The following CHST11 variants were observed in gnomAD, a reference collection of about 807,000 sequenced individuals.
CHST11 encodes the protein carbohydrate sulfotransferase 11.
CHST11 carries 9 observed loss-of-function variants against 30.4 expected under a neutral mutation model. That is an observed-to-expected ratio of 0.30 (90% confidence interval 0.18 to 0.52). CHST11 has a LOEUF of 0.52. CHST11 is among the 20% of genes least tolerant of loss of function. The pLI, the probability that CHST11 is intolerant of heterozygous loss-of-function variation, is 0.97. For synonymous variants in CHST11, 152 were observed against 187.8 expected (o/e 0.81, Z 1.56); for missense variants, 348 against 460.6 (o/e 0.76, Z 2.24).
intron 2 of CHST11, among the ~76,000 whole-genome samples, chr12:104,733,400 G>T (rs2040272911): frequency 6.6e-6 from 1 of 152,180 alleles, no homozygotes. Context: ...AAAGGGCCTT[G>T]CCTGATTCTG....
chr12:104,520,441 T>G (rs907122758), intron 1 of CHST11, among the ~76,000 whole-genome samples: 1 of 151,986 alleles, frequency 6.6e-6, no homozygotes, highest in African/African-American at 2.4e-5. Context: ...ACATGGGTGG[T>G]GGTCAGGAGG....
chr12:104,646,390 C>T (rs2039430760), intron 2 of CHST11, among the ~76,000 whole-genome samples: 1 of 152,186 alleles, frequency 6.6e-6, no homozygotes, highest in Non-Finnish European at 1.5e-5. Context: ...CCTCCCTAAA[C>T]TGATTTCTCA....
chr12:104,518,617 G>T (rs1316054202), intron 1 of CHST11, among the ~76,000 whole-genome samples: 1 of 152,144 alleles, frequency 6.6e-6, no homozygotes, highest in African/African-American at 2.4e-5. Context: ...AGAAGAAAGC[G>T]AAGACTAGAA....
intron 1 of CHST11, among the ~76,000 whole-genome samples, chr12:104,501,891 G>A (rs1173300822): frequency 1.3e-5 from 2 of 152,210 alleles, no homozygotes; most frequent in South Asian, 2.1e-4. Context: ...AATCAGACAC[G>A]TGGCCCTTGC....
At chr12:104,752,852 G>A (rs1043068126) in intron 2 of CHST11, among the ~76,000 whole-genome samples, 1 of 152,176 alleles carries the variant, frequency 6.6e-6, no homozygotes, top group Non-Finnish European at 1.5e-5. Flanking sequence ...AACTAGAGGG[G>A]TCTTCCTGCT....
intron 2 of CHST11, among the ~76,000 whole-genome samples, chr12:104,643,152 CT>C (rs2039393742): frequency 6.6e-6 from 1 of 151,702 alleles, no homozygotes; most frequent in African/African-American, 2.4e-5. Flanking sequence ...AGTGAGACCC[CT>C]GTCTCTACAA....
intron 2 of CHST11, among the ~76,000 whole-genome samples, chr12:104,746,671 C>G (rs1237281596): frequency 6.6e-6 from 1 of 152,192 alleles, no homozygotes; most frequent in Non-Finnish European, 1.5e-5. Flanking sequence ...TCCCTAGTGA[C>G]AAGTTACAAT....
At chr12:104,595,704 C>T (rs1403311887) in intron 1 of CHST11, among the ~76,000 whole-genome samples, 1 of 152,140 alleles carries the variant, frequency 6.6e-6, no homozygotes, top group African/African-American at 2.4e-5. Flanking sequence ...ATGGACCAGG[C>T]TAGTTGAGTG....
intron 2 of CHST11, among the ~76,000 whole-genome samples, chr12:104,659,391 A>G (rs924239805): frequency 3.9e-5 from 6 of 152,122 alleles, no homozygotes; most frequent in Non-Finnish European, 7.4e-5. Flanking sequence ...CGTATCTCTA[A>G]GAGCTTCCGG....
intron 2 of CHST11, among the ~76,000 whole-genome samples, chr12:104,750,359 A>G (rs1329028573): frequency 1.4e-5 from 2 of 144,168 alleles, no homozygotes; most frequent in African/African-American, 2.6e-5. Context: ...CCTCATGTTA[A>G]TGTTGTGCAT....
intron 2 of CHST11, among the ~76,000 whole-genome samples, chr12:104,613,139 T>C (rs1417929848): frequency 1.3e-5 from 2 of 151,620 alleles, no homozygotes; most frequent in African/African-American, 4.8e-5. Flanking sequence ...GGAGGTCAGG[T>C]TGAGGCTGCA....
intron 2 of CHST11, among the ~76,000 whole-genome samples, chr12:104,603,668 G>A (rs188169573): frequency 8.6e-4 from 131 of 152,302 alleles, no homozygotes; most frequent in Middle Eastern, 6.8e-3. Flanking sequence ...ATGTGTCAGG[G>A]GCTCTGTCAG....
chr12:104,542,325 T>C (rs1445500110), intron 1 of CHST11, among the ~76,000 whole-genome samples: 1 of 152,230 alleles, frequency 6.6e-6, no homozygotes, highest in Non-Finnish European at 1.5e-5. Context: ...GCGGCATTAT[T>C]CACAATAGCC....
chr12:104,535,889 C>G (rs1237240983), intron 1 of CHST11, among the ~76,000 whole-genome samples: 1 of 152,174 alleles, frequency 6.6e-6, no homozygotes, highest in Admixed American at 6.5e-5. Flanking sequence ...AAAGCAGATT[C>G]ATTCTAGAGT....
intron 1 of CHST11, among the ~76,000 whole-genome samples, chr12:104,572,477 T>G (rs1196996929): frequency 3.3e-5 from 5 of 152,336 alleles, no homozygotes; most frequent in South Asian, 4.1e-4. Flanking sequence ...ATCCATTTCT[T>G]CTAGAATTTC....
intron 1 of CHST11, among the ~76,000 whole-genome samples, chr12:104,562,941 T>G (rs942424189): frequency 3.3e-5 from 5 of 152,218 alleles, no homozygotes; most frequent in Non-Finnish European, 1.5e-5. Flanking sequence ...TGGCTTACCA[T>G]TTTGGTGCCT....
chr12:104,716,517 C>T (rs962874403), intron 2 of CHST11, among the ~76,000 whole-genome samples: 1 of 152,230 alleles, frequency 6.6e-6, no homozygotes, highest in Admixed American at 6.5e-5. Context: ...TTTCTATGAT[C>T]GTCTCGCATC....
intron 2 of CHST11, among the ~76,000 whole-genome samples, chr12:104,612,051 C>T (rs10861253): frequency 0.26 from 39,790 of 152,158 alleles, 5,351 homozygotes; most frequent in East Asian, 0.42. Flanking sequence ...CTCCTACCTC[C>T]TTTCCTCCTT....
At chr12:104,621,590 GAA>G (rs2039159202) in intron 2 of CHST11, among the ~76,000 whole-genome samples, 1 of 152,222 alleles carries the variant, frequency 6.6e-6, no homozygotes, top group Non-Finnish European at 1.5e-5. Context: ...TCAAAGCCAG[GAA>G]AAGAGATGTT....
Sources: allele counts gnomAD v4.1 joint callset (sites outside exome capture counted in the v4.1 genomes callset), GRCh38; gene constraint gnomAD v4.1.1; transcripts MANE v1.5; gene names NCBI Gene and HGNC (gene_info 2026-07-23, HGNC 2026-07-21).